Variants in SHISA9 observed in about 807,000 individuals in gnomAD.
The protein encoded by SHISA9 is protein shisa-9.
In SHISA9, 13 loss-of-function variants were observed where a neutral mutation model predicts 38.0. The ratio of observed to expected loss-of-function variants is 0.34; its 90% CI spans 0.22 to 0.54. The LOEUF is 0.54. Ranked by LOEUF, SHISA9 falls within the 20% of genes least tolerant of loss-of-function variation. The pLI, the probability that SHISA9 is intolerant of heterozygous loss-of-function variation, is 0.91. For synonymous variants in SHISA9, 275 were observed against 242.0 expected (o/e 1.14, Z -1.27); for missense variants, 538 against 575.8 (o/e 0.93, Z 0.67).
chr16:13,214,937 C>T (rs961224575), intron 4 of SHISA9, among the ~76,000 whole-genome samples: 4 of 151,952 alleles, frequency 2.6e-5, no homozygotes, highest in African/African-American at 9.7e-5. Context: ...CAAACCATAT[C>T]AATAGTTGTG....
At chr16:13,535,855 C>T in the SHISA9 span, among the ~76,000 whole-genome samples, 6 of 152,188 alleles carry the variant, frequency 3.9e-5, no homozygotes, top group African/African-American at 1.4e-4. Context: ...GTCTGGTTCA[C>T]GGTCTGCAAG....
At chr16:13,214,763 C>G (rs1567251561) in intron 4 of SHISA9, among the ~76,000 whole-genome samples, 1 of 152,064 alleles carries the variant, frequency 6.6e-6, no homozygotes, top group Non-Finnish European at 1.5e-5. Context: ...GGAGAAACTC[C>G]CATTTTTAAA....
At chr16:13,041,739 G>A (rs1021989833) in intron 2 of SHISA9, among the ~76,000 whole-genome samples, 4 of 152,034 alleles carry the variant, frequency 2.6e-5, no homozygotes, top group Non-Finnish European at 5.9e-5. Flanking sequence ...CAAACTGTAG[G>A]GTACATGAGG....
At chr16:13,473,938 A>C in the SHISA9 span, among the ~76,000 whole-genome samples, 1 of 152,286 alleles carries the variant, frequency 6.6e-6, no homozygotes, top group African/African-American at 2.4e-5. Flanking sequence ...ATTGTGTAAT[A>C]CCAGATAGTG....
intron 4 of SHISA9, among the ~76,000 whole-genome samples, chr16:13,216,287 G>A (rs891096928): frequency 2.7e-5 from 4 of 150,868 alleles, no homozygotes; most frequent in African/African-American, 7.3e-5. Context: ...TGCTAGTCTT[G>A]TTGTCTTCAA....
At chr16:13,082,452 C>T (rs1196557621) in intron 2 of SHISA9, 1 of 152,176 alleles carries the variant, frequency 6.6e-6, no homozygotes, top group Non-Finnish European at 1.5e-5. Context: ...AAAACAGCTG[C>T]AGCAGCTGCA....
the SHISA9 span, among the ~76,000 whole-genome samples, chr16:13,421,178 T>A: frequency 4.0e-5 from 6 of 150,252 alleles, no homozygotes; most frequent in Admixed American, 4.0e-4. Context: ...TCAGATGTCC[T>A]AGAGACAGTG....
chr16:13,264,628 G>A, the SHISA9 span, among the ~76,000 whole-genome samples: 1 of 152,202 alleles, frequency 6.6e-6, no homozygotes, highest in African/African-American at 2.4e-5. Context: ...TAAACAGAAT[G>A]TCTCTCTTGC....
At chr16:13,539,470 C>T in the SHISA9 span, among the ~76,000 whole-genome samples, 8 of 150,938 alleles carry the variant, frequency 5.3e-5, no homozygotes, top group African/African-American at 2.0e-4. Flanking sequence ...AACCACTATG[C>T]TTGGCCCTAA....
chr16:13,490,980 C>A, the SHISA9 span, among the ~76,000 whole-genome samples: 1 of 152,170 alleles, frequency 6.6e-6, no homozygotes, highest in African/African-American at 2.4e-5. Context: ...TGTATTGCTG[C>A]AAGATGTATA....
At chr16:12,997,098 C>T (rs1195491120) in intron 2 of SHISA9, among the ~76,000 whole-genome samples, 1 of 152,144 alleles carries the variant, frequency 6.6e-6, no homozygotes. Context: ...AGAGCATTTT[C>T]ATCACCCCCC....
In SHISA9 at chr16:13,191,891, C is replaced by T. The variant is rs115971885; in HGVS notation, c.692-11503C>T. On this transcript the variant is annotated intron_variant, in intron 2 of 4. Coordinates refer to ENST00000558583, the MANE Select transcript of SHISA9 (RefSeq NM_001145204.3). ...ATTTTATACAAAAAAGACACCAGTA[C>T]TTGTATGTTCATCGCAGCACTATTC... 9.1e-3 allele frequency among the ~76,000 whole-genome samples: 1,388 copies of T among 152,234 alleles called. 16 individuals are homozygous for T. The highest frequency in any genetic ancestry group is 0.031 in the African/African-American group (1,304 of 41,532).
At chr16:13,444,064 T>G in the SHISA9 span, among the ~76,000 whole-genome samples, 2 of 146,960 alleles carry the variant, frequency 1.4e-5, no homozygotes, top group African/African-American at 5.1e-5. Context: ...CAAGACTGGT[T>G]TGTTTCCTTT....
At chr16:12,935,021 G>A (rs543986630) in intron 2 of SHISA9, among the ~76,000 whole-genome samples, 1 of 152,150 alleles carries the variant, frequency 6.6e-6, no homozygotes, top group Non-Finnish European at 1.5e-5. Flanking sequence ...CAACAATTTT[G>A]TCTCTCTTTG....
chr16:13,478,077 G>C, the SHISA9 span, among the ~76,000 whole-genome samples: 4 of 152,142 alleles, frequency 2.6e-5, no homozygotes, highest in African/African-American at 9.7e-5. Flanking sequence ...GAGCGACATC[G>C]CATTTTCCTC....
the SHISA9 span, among the ~76,000 whole-genome samples, chr16:13,423,489 C>T: frequency 6.6e-5 from 10 of 152,292 alleles, no homozygotes; most frequent in East Asian, 5.8e-4. Context: ...AGAGATCCAT[C>T]GTTTATCCAA....
the SHISA9 span, among the ~76,000 whole-genome samples, chr16:13,394,770 T>G: frequency 6.6e-6 from 1 of 152,212 alleles, no homozygotes; most frequent in Non-Finnish European, 1.5e-5. Context: ...GATATTTATT[T>G]GTATTTAATT....
At chr16:13,232,467 G>A (rs1406180000) in intron 4 of SHISA9, among the ~76,000 whole-genome samples, 1 of 152,144 alleles carries the variant, frequency 6.6e-6, no homozygotes, top group Non-Finnish European at 1.5e-5. Flanking sequence ...AAAAGAAAGT[G>A]TTGATGAAAA....
At chr16:12,990,642 T>C (rs1238183597) in intron 2 of SHISA9, among the ~76,000 whole-genome samples, 1 of 152,222 alleles carries the variant, frequency 6.6e-6, no homozygotes, top group Non-Finnish European at 1.5e-5. Flanking sequence ...GAAGACCATT[T>C]TGATTATCAA....
Sources: gnomAD v4.1 joint callset for allele counts (sites outside exome capture counted in the v4.1 genomes callset) on GRCh38, gnomAD v4.1.1 for gene constraint, MANE v1.5 for transcripts, NCBI Gene and HGNC (gene_info 2026-07-23, HGNC 2026-07-21) for gene names.